DMGDH: variants seen among roughly 807,000 people sequenced by gnomAD.
The protein encoded by DMGDH is dimethylglycine dehydrogenase.
A neutral mutation model predicts 95.2 loss-of-function variants in DMGDH; 76 were observed. That is an observed-to-expected ratio of 0.80 (90% CI 0.66 to 0.97). The LOEUF is 0.97. DMGDH is among the 50% of genes least tolerant of loss of function. The pLI is 0.00. For missense variants in DMGDH, 987 were observed against 1,055.0 expected, an observed-to-expected ratio of 0.94 and a Z score of 0.89; for synonymous variants, 345 against 377.6, an observed-to-expected ratio of 0.91 and a Z score of 1.00.
chr5:79,054,088 G>T, intron 4 of DMGDH, 96 bp downstream of exon 4: 1 of 1,381,132 alleles, frequency 7.2e-7, no homozygotes, highest in Non-Finnish European at 1.0e-6. Context: ...TTTAAAATGT[G>T]TGTACCAAGT....
chr5:79,055,752 A>G lies in DMGDH; in HGVS notation c.375+58T>C, dbSNP rs1007028800. 3.5e-5 allele frequency: 40 copies of G among 1,148,002 alleles called. 1 individual carries two copies. In the Admixed American group the frequency reaches 4.8e-4, roughly 14 times the overall value. The allele number at this position is 1,148,002 out of a possible 1,614,324, so 71.1% of individuals were successfully genotyped here. The stretch of plus-strand genomic sequence containing the variant: ...AATGATGCATCAAAATCCTTCAGAA[A>G]TCTTACATGTTTCTGAGAAGCCGAC... On this transcript the variant is annotated intron_variant, in intron 3 of 15. Coordinates refer to ENST00000255189, the MANE Select transcript of DMGDH (RefSeq NM_013391.3).
intron 14 of DMGDH, among the ~76,000 whole-genome samples, chr5:79,019,106 T>G (rs1753802189): frequency 6.6e-6 from 1 of 152,174 alleles, no homozygotes; most frequent in African/African-American, 2.4e-5. Flanking sequence ...GTTGGAGGCA[T>G]TCCATAGGAT....
intron 14 of DMGDH, among the ~76,000 whole-genome samples, chr5:79,016,382 G>T (rs1259937383): frequency 6.6e-6 from 1 of 152,186 alleles, no homozygotes; most frequent in Admixed American, 6.5e-5. Context: ...CCACTAAGCA[G>T]ATTGAGCAAA....
intron 10 of DMGDH, among the ~76,000 whole-genome samples, chr5:79,030,296 C>T (rs531105073): frequency 1.3e-5 from 2 of 152,244 alleles, no homozygotes; most frequent in South Asian, 4.1e-4. Flanking sequence ...CCCATCGAAA[C>T]AATTAAGCAA....
At chr5:79,005,164 C>T in intron 15 of DMGDH, 109 bp downstream of exon 15, 5 of 1,439,996 alleles carry the variant, frequency 3.5e-6, no homozygotes, top group Non-Finnish European at 4.8e-6. Flanking sequence ...GCGTGTCATC[C>T]CTCCAACAAA....
chr5:79,055,663 G>T, intron 3 of DMGDH, 147 bp downstream of exon 3: 1 of 666,694 alleles, frequency 1.5e-6, no homozygotes, highest in Non-Finnish European at 2.7e-6. Context: ...AGACTCTAGA[G>T]GTTCTTACCT....
At chr5:79,000,572 T>C in intron 15 of DMGDH, 1 of 601,216 alleles carries the variant, frequency 1.7e-6, no homozygotes, top group Admixed American at 2.0e-5. Context: ...TCCAGTGCTG[T>C]CACCGAACTT....
intron 7 of DMGDH, among the ~76,000 whole-genome samples, chr5:79,034,332 G>A (rs1754278278): frequency 6.6e-6 from 1 of 152,166 alleles, no homozygotes; most frequent in Non-Finnish European, 1.5e-5. Context: ...GCAACTAATA[G>A]GCCACTTGAT....
intron 15 of DMGDH, among the ~76,000 whole-genome samples, chr5:79,005,039 T>C (rs1753521917): frequency 6.6e-6 from 1 of 152,160 alleles, no homozygotes; most frequent in Non-Finnish European, 1.5e-5. Context: ...AGTCTTTGGG[T>C]TTGTTTTCTT....
intron 7 of DMGDH, among the ~76,000 whole-genome samples, chr5:79,038,376 T>C (rs248377): frequency 0.56 from 84,450 of 151,536 alleles, 23,744 homozygotes; most frequent in East Asian, 0.78. Flanking sequence ...CCCAGCTATT[T>C]GGGAGGCTGA....
chr5:79,065,900 C>A (rs190395173), intron 1 of DMGDH, among the ~76,000 whole-genome samples: 1 of 151,852 alleles, frequency 6.6e-6, no homozygotes, highest in Non-Finnish European at 1.5e-5. Flanking sequence ...CATCATTGAC[C>A]GAAACATCAT....
chr5:79,061,251 AC>A (rs1755202828), intron 2 of DMGDH, among the ~76,000 whole-genome samples: 1 of 144,324 alleles, frequency 6.9e-6, no homozygotes, highest in Non-Finnish European at 1.5e-5. Context: ...ACACACACAC[AC>A]ACACACACAC....
At chr5:79,015,267 C>G (rs780912090) in intron 14 of DMGDH, among the ~76,000 whole-genome samples, 1 of 152,196 alleles carries the variant, frequency 6.6e-6, no homozygotes, top group Non-Finnish European at 1.5e-5. Flanking sequence ...AAATAGCACT[C>G]ATTGCTCTTT....
intron 14 of DMGDH, among the ~76,000 whole-genome samples, chr5:79,009,378 T>TTTTTTTA (rs1753605964): frequency 7.3e-6 from 1 of 136,460 alleles, no homozygotes; most frequent in Non-Finnish European, 1.6e-5. Flanking sequence ...TTTTTTTTTT[T>TTTTTTTA]GAGACAGAAT....
rs193211916 is a variant in DMGDH, at chr5:79,066,177, G to A, written c.102-2390C>T. On this transcript the variant is annotated intron_variant, in intron 1 of 15. Coordinates refer to ENST00000255189, the MANE Select transcript of DMGDH (RefSeq NM_013391.3). ...TTATAGCTACTTTTTTCCAGTCAGA[G>A]ATCAAATCCAGGATTCTGTCTCTTT... 2.2e-3 allele frequency among the ~76,000 whole-genome samples: 342 copies of A among 152,244 alleles called. 1 individual carries two copies. The highest frequency in any genetic ancestry group is 2.0e-3 in the Non-Finnish European group (135 of 68,016).
At chr5:79,042,168 CTT>C in intron 7 of DMGDH, 113 bp downstream of exon 7, 4 of 1,010,424 alleles carry the variant, frequency 4.0e-6, no homozygotes, top group Admixed American at 4.0e-5. Flanking sequence ...CTCTGTTTCT[CTT>C]TCTCTCTCTC....
chr5:78,999,746 T>C (rs1753422187), intron 15 of DMGDH, among the ~76,000 whole-genome samples: 1 of 152,248 alleles, frequency 6.6e-6, no homozygotes, highest in South Asian at 2.1e-4. Flanking sequence ...AGTTTATCTC[T>C]GGCTGATTAA....
Position 79,058,911 on chromosome 5 carries a change from T to A in DMGDH, c.277-3003A>T, listed in dbSNP as rs571587642. ...TGTCTCCTTAACAAACCTCTCCCTC[T>A]CTCAGGAGCCTCTACTACCTCAAAA... On this transcript the variant is annotated intron_variant, in intron 2 of 15. Coordinates refer to ENST00000255189, the MANE Select transcript of DMGDH (RefSeq NM_013391.3). Among the ~76,000 whole-genome samples, 8 of 152,296 alleles carry A rather than the reference T, an allele frequency of 5.3e-5. No individual in the cohort carries two copies. The East Asian group carries it at 1.4e-3, about 26-fold the overall frequency.
At position 79,063,735 on chromosome 5, in the gene DMGDH, T is replaced by C. The variant is rs1275503540; in HGVS notation, c.154A>G (p.Thr52Ala). ...ACACAGCCACCTCCAATTATCACTG[T>C]TTCTGCTCTGTCTTTCCATTGTGTT... ...AETQWKDRAE[T>A]VIIGGGCVGV... is the part of the protein sequence containing the mutation. Residue 52 changes from threonine to alanine, a missense_variant, in exon 2 of 16, where the codon ACA (threonine) becomes GCA (alanine). Coordinates refer to ENST00000255189, the MANE Select transcript of DMGDH (RefSeq NM_013391.3). 2 of 1,614,088 alleles carry C rather than the reference T, an allele frequency of 1.2e-6. No homozygotes were observed. The highest frequency in any genetic ancestry group is 1.7e-6 in the Non-Finnish European group (2 of 1,180,046).
Sources: gnomAD v4.1 joint callset for allele counts (sites outside exome capture counted in the v4.1 genomes callset) on GRCh38, gnomAD v4.1.1 for gene constraint, MANE v1.5 for transcripts, NCBI Gene and HGNC (gene_info 2026-07-23, HGNC 2026-07-21) for gene names.